Variants in GABRR2 observed in about 807,000 individuals in gnomAD.
GABRR2 encodes gamma-aminobutyric acid type A receptor subunit rho2, also known as gamma-aminobutyric acid receptor subunit rho-2.
GABRR2 carries 36 observed loss-of-function variants against 47.0 expected under a neutral mutation model. The observed-to-expected ratio is 0.77, with a 90% CI of 0.59 to 1.01. The LOEUF (loss-of-function observed/expected upper bound fraction) is 1.01. Among genes scored for constraint, GABRR2 ranks in the 50% least tolerant of loss-of-function variants. The probability of loss-of-function intolerance (pLI) is 0.00; values close to 1 mark genes in which losing one functional copy is unlikely to be tolerated. For synonymous variants in GABRR2, 204 were observed against 227.5 expected (o/e 0.90, Z 0.93); for missense variants, 587 against 594.6 (o/e 0.99, Z 0.13).
At position 89,298,416 on chromosome 6, in the gene GABRR2, T is replaced by A. The variant is rs145239250; in HGVS notation, c.220+1343A>T. Among the ~76,000 whole-genome samples the A allele has an allele frequency of 1.8e-3, 270 of 152,288 alleles. 1 individual carries two copies. The highest frequency in any genetic ancestry group is 6.1e-3 in the African/African-American group (252 of 41,540). On this transcript the variant is annotated intron_variant, in intron 2 of 8. Transcript: ENST00000402938. ...TTGTTTAATCTGGACAACAACCCCA[T>A]ATGTGGGGATTACTCTCCCCATTTT...
In GABRR2 at chr6:89,269,147, C is replaced by A. The variant is rs74923708; in HGVS notation, c.376G>T (p.Asp126Tyr). 1.9e-6 allele frequency: 3 copies of A among 1,613,934 alleles called. No homozygotes were observed. In the African/African-American group the frequency reaches 4.0e-5, roughly 22 times the overall value. The change falls in exon 4 of 9, where the codon GAT becomes TAT. Residue 126 changes from aspartate (D) to tyrosine (Y), a missense_variant. Transcript: ENST00000402938. Reference protein sequence around the residue: ...SSASNKSMTFDGRLVKKIWVP... With the variant: ...SSASNKSMTFYGRLVKKIWVP... ...CAGATCTTCTTCACCAGCCGGCCAT[C>A]GAAGGTCATGCTCTTGTTGCTGGCG... is the stretch of plus-strand genomic sequence containing the variant.
rs949641458 is a variant in GABRR2, at chr6:89,256,722, G to A, written c.*948C>T. ...TGTGGGCAATCAGCTATAAATCCAT[G>A]ACCGACCCCAATAAAAAAACTGTAC... is the stretch of plus-strand genomic sequence containing the variant. On this transcript the variant is annotated 3_prime_UTR_variant, in exon 9 of 9. Transcript: ENST00000402938. 4.6e-5 allele frequency among the ~76,000 whole-genome samples: 7 copies of A among 152,152 alleles called. No homozygotes were observed. The highest frequency in any genetic ancestry group is 4.6e-4 in the Admixed American group (7 of 15,282).
intron 2 of GABRR2, among the ~76,000 whole-genome samples, chr6:89,280,247 T>TATATATATATACAC (rs1271132149): frequency 3.3e-4 from 33 of 101,320 alleles, no homozygotes; most frequent in Admixed American, 9.1e-4. Flanking sequence ...TATATATATA[T>TATATATATATACAC]ATATATACAT....
chr6:89,261,765 C>A (rs566955650), intron 8 of GABRR2, among the ~76,000 whole-genome samples: 23 of 152,166 alleles, frequency 1.5e-4, no homozygotes, highest in African/African-American at 5.3e-4. Flanking sequence ...GGGGCTGGTG[C>A]GGTGGTTCAT....
In GABRR2 at chr6:89,265,748, A is replaced by G. The variant is rs1392497392; in HGVS notation, c.754T>C (p.Tyr252His). ...TGGCGACGCAACGTGAAGTTAATGTACAGACGGTTGTACCAGCCTAGGGGA... is the reference window on the plus strand; with the variant it reads ...TGGCGACGCAACGTGAAGTTAATGTGCAGACGGTTGTACCAGCCTAGGGGA... ...YSSTGWYNRL[Y>H]INFTLRRHIF... The change falls in exon 7 of 9, where the codon TAC (tyrosine) becomes CAC (histidine). Residue 252 changes from tyrosine to histidine, a missense_variant. Coordinates refer to ENST00000402938, the MANE Select transcript of GABRR2 (RefSeq NM_002043.5). 1.9e-6 allele frequency: 3 copies of G among 1,614,122 alleles called. No individual in the cohort carries two copies. Among genetic ancestry groups the G allele is most frequent in the Non-Finnish European group, 2.5e-6 (3 of 1,180,006 alleles).
chr6:89,280,641 G>C (rs761649714), intron 2 of GABRR2, among the ~76,000 whole-genome samples: 1 of 152,138 alleles, frequency 6.6e-6, no homozygotes, highest in Non-Finnish European at 1.5e-5. Context: ...GGGTGAATGC[G>C]GTTTTGCTCA....
intron 6 of GABRR2, among the ~76,000 whole-genome samples, chr6:89,266,245 A>G (rs557259918): frequency 7.9e-5 from 12 of 152,012 alleles, no homozygotes; most frequent in African/African-American, 2.9e-4. Context: ...TTTTCTTATT[A>G]TTATTTTGTA....
chr6:89,258,713 C>A, intron 8 of GABRR2, among the ~76,000 whole-genome samples: 1 of 146,984 alleles, frequency 6.8e-6, no homozygotes, highest in Admixed American at 6.7e-5. Context: ...AGAGCAAAAC[C>A]CTGTCTCTTT....
chr6:89,278,476 G>A (rs1177778980), intron 2 of GABRR2, among the ~76,000 whole-genome samples: 1 of 152,196 alleles, frequency 6.6e-6, no homozygotes, highest in Admixed American at 6.5e-5. Flanking sequence ...ATTAATATTT[G>A]AGAAACCAGT....
Position 89,288,539 on chromosome 6 carries a change from C to T in GABRR2, c.220+11220G>A, listed in dbSNP as rs192125236. 2.8e-4 allele frequency among the ~76,000 whole-genome samples: 42 copies of T among 152,312 alleles called. No homozygotes were observed. In the East Asian group the frequency reaches 7.1e-3, roughly 26 times the overall value. On this transcript the variant is annotated intron_variant, in intron 2 of 8. Transcript: ENST00000402938. Reference sequence around the variant, plus strand: ...CCAGTGAGAACTGCACAGCTGAGCCCGGTCAATCCAATTTGTGAGCAAATA... The same window carrying T: ...CCAGTGAGAACTGCACAGCTGAGCCTGGTCAATCCAATTTGTGAGCAAATA...
At chr6:89,273,941 G>T (rs760374086) in intron 2 of GABRR2, among the ~76,000 whole-genome samples, 43 of 152,234 alleles carry the variant, frequency 2.8e-4, no homozygotes, top group Non-Finnish European at 5.9e-4. Context: ...GAGCCGCAGG[G>T]AAGAAACAAT....
In GABRR2 at chr6:89,271,655, C is replaced by T. The variant is rs1774053304; in HGVS notation, c.288G>A (p.Met96Ile). The change falls in exon 3 of 9, where the codon ATG becomes ATA. Residue 96 changes from methionine to isoleucine, a missense_variant and splice_region_variant. Transcript: ENST00000402938. ...ESLDSISEVD[M>I]DFTMTLYLRH... ...TGTGTCACTGGAGGCCGCTGCATAC[C>T]ATGTCCACCTCGGAGATGCTGTCCA... 1.9e-6 allele frequency: 3 copies of T among 1,610,754 alleles called. No homozygotes were observed. In the East Asian group the frequency reaches 6.7e-5, roughly 36 times the overall value.
rs750014875 is a variant in GABRR2 at position 89,267,740 on chromosome 6, C to A, written c.675G>T (p.Leu225Phe). ...ESLKTDEKISLSQFLIQKFHT... is the reference protein window; with the variant it reads ...ESLKTDEKISFSQFLIQKFHT... ...GAAATTTCTGAATCAGAAACTGAGA[C>A]AAGGAGATCTTCTCATCTGTTTTTA... Residue 225 changes from leucine to phenylalanine, a missense_variant, in exon 6 of 9, where the codon TTG becomes TTT. By Grantham distance (22) the Leu-to-Phe change is conservative (BLOSUM62 0). Coordinates refer to ENST00000402938, the MANE Select transcript of GABRR2 (RefSeq NM_002043.5). The A allele has an allele frequency of 6.2e-7, 1 of 1,613,788 alleles. No homozygotes were observed. Among genetic ancestry groups the A allele is most frequent in the African/African-American group, 1.3e-5 (1 of 74,918 alleles).
At chr6:89,259,659 A>G (rs1189606945) in intron 8 of GABRR2, among the ~76,000 whole-genome samples, 1 of 151,924 alleles carries the variant, frequency 6.6e-6, no homozygotes, top group Non-Finnish European at 1.5e-5. Context: ...GCCCACCACC[A>G]TGCCCAGCTA....
At chr6:89,309,744 G>T in intron 1 of GABRR2, among the ~76,000 whole-genome samples, 1 of 151,880 alleles carries the variant, frequency 6.6e-6, no homozygotes, top group East Asian at 1.9e-4. Context: ...CATTGACACA[G>T]CATTAGCATT....
Position 89,264,553 on chromosome 6 carries a change from C to T in GABRR2, c.945G>A (p.Met315Ile), listed in dbSNP as rs1190801216. 8.1e-6 allele frequency: 13 copies of T among 1,614,154 alleles called. No homozygotes were observed. The highest frequency in any genetic ancestry group is 1.3e-5 in the African/African-American group (1 of 75,024). The change falls in exon 8 of 9, where the codon ATG (methionine) becomes ATA (isoleucine). Residue 315 changes from methionine (M) to isoleucine (I), a missense_variant. Met to Ile is a conservative substitution (Grantham distance 10). Coordinates refer to ENST00000402938, the MANE Select transcript of GABRR2 (RefSeq NM_002043.5). ...CGGCCTTGACGTAGGAGACGCGCGG[C>T]ATGGAGGCATTCACGCCCGTGATGA... ...TTIITGVNASMPRVSYVKAVD... is the reference protein window; with the variant it reads ...TTIITGVNASIPRVSYVKAVD...
chr6:89,255,444 GA>G lies in GABRR2; in HGVS notation c.*2225del, dbSNP rs1310301589. 4.0e-5 allele frequency among the ~76,000 whole-genome samples: 6 copies of G among 151,824 alleles called. No individual in the cohort carries two copies. Among genetic ancestry groups the G allele is most frequent in the Admixed American group, 6.6e-5 (1 of 15,254 alleles). On this transcript the variant is annotated 3_prime_UTR_variant, in exon 9 of 9. Coordinates refer to ENST00000402938, the MANE Select transcript of GABRR2 (RefSeq NM_002043.5). ...AAGAGTGAAACTCTGTCTCAGAAAA[GA>G]AAAAAAGGTTTCTAAACAAGTCCAG...
At position 89,256,762 on chromosome 6, in the gene GABRR2, G is replaced by GGGTAAGTTTCTCTGGCT; in HGVS notation, c.*891_*907dup. ...AAAAACTGTACACCGTGGTGAGCCT[G>GGGTAAGTTTCTCTGGCT]GGTAAGTTTCTCTGGCTGGCAATAC... On this transcript the variant is annotated 3_prime_UTR_variant, in exon 9 of 9. Coordinates refer to ENST00000402938, the MANE Select transcript of GABRR2 (RefSeq NM_002043.5). Among the ~76,000 whole-genome samples, 1 of 152,186 alleles carries GGGTAAGTTTCTCTGGCT rather than the reference G, an allele frequency of 6.6e-6. No individual in the cohort carries two copies. The highest frequency in any genetic ancestry group is 1.9e-4 in the East Asian group (1 of 5,200).
At chr6:89,263,180 A>T (rs1025245882) in intron 8 of GABRR2, among the ~76,000 whole-genome samples, 2 of 152,212 alleles carry the variant, frequency 1.3e-5, no homozygotes, top group African/African-American at 2.4e-5. Context: ...CAGAGTGAAG[A>T]TGACCAGGAT....
Sources: gnomAD v4.1 joint callset for allele counts (sites outside exome capture counted in the v4.1 genomes callset) on GRCh38, gnomAD v4.1.1 for gene constraint, MANE v1.5 for transcripts, NCBI Gene and HGNC (gene_info 2026-07-23, HGNC 2026-07-21) for gene names.